ABI2: variants seen among roughly 807,000 people sequenced by gnomAD.
ABI2 encodes the protein abelson interactor 2.
Under a neutral mutation model 59.2 loss-of-function variants are expected in ABI2, and 25 were observed. That is an observed-to-expected ratio of 0.42 (90% CI 0.31 to 0.59). ABI2 has a LOEUF of 0.59. Among genes scored for constraint, ABI2 ranks in the 20% least tolerant of loss-of-function variants. ABI2 has a pLI of 0.14. For missense variants in ABI2, 545 were observed against 681.8 expected (o/e 0.80, Z 2.23); for synonymous variants, 213 against 235.5 (o/e 0.90, Z 0.87).
chr2:203,330,410 A>G (rs2152266950), intron 1 of ABI2, among the ~76,000 whole-genome samples: 1 of 151,760 alleles, frequency 6.6e-6, no homozygotes, highest in Non-Finnish European at 1.5e-5. Context: ...AAAAAAAAAA[A>G]AGATTCACTT....
At position 203,396,592 on chromosome 2, in the gene ABI2, A is replaced by T. The variant is rs563696408; in HGVS notation, c.851-193A>T. ...AATGAATTGAAAAAATCTGCACATT[A>T]CCCTGAGCATCTTGAATTATTTGCT... On this transcript the variant is annotated intron_variant, in intron 7 of 11. Coordinates refer to ENST00000261018, the MANE Select transcript of ABI2 (RefSeq NM_001375670.1). 1.8e-4 allele frequency among the ~76,000 whole-genome samples: 27 copies of T among 152,324 alleles called. No homozygotes were observed. The East Asian group carries it at 4.4e-3, about 25-fold the overall frequency.
At chr2:203,380,141 A>C in intron 2 of ABI2, 67 bp from the exon 3 acceptor site, 1 of 958,290 alleles carries the variant, frequency 1.0e-6, no homozygotes, top group East Asian at 2.7e-5. Context: ...CTAGGCATAT[A>C]TATTTTGATT....
intron 2 of ABI2, among the ~76,000 whole-genome samples, chr2:203,369,583 A>C (rs992586917): frequency 6.6e-6 from 1 of 152,198 alleles, no homozygotes; most frequent in Non-Finnish European, 1.5e-5. Flanking sequence ...AATGTGGTCA[A>C]TTAATGCTGT....
chr2:203,401,622 AAAAAT>A (rs1367619014), intron 8 of ABI2, among the ~76,000 whole-genome samples: 1 of 152,204 alleles, frequency 6.6e-6, no homozygotes, highest in Non-Finnish European at 1.5e-5. Context: ...GGATGATATT[AAAAAT>A]AAGATATATT....
intron 1 of ABI2, among the ~76,000 whole-genome samples, chr2:203,351,901 A>G (rs1013783822): frequency 1.3e-5 from 2 of 152,202 alleles, no homozygotes; most frequent in East Asian, 3.8e-4. Flanking sequence ...AATGATGGAC[A>G]GCATATATGA....
intron 1 of ABI2, among the ~76,000 whole-genome samples, chr2:203,331,539 A>G (rs1041376399): frequency 1.3e-5 from 2 of 151,200 alleles, no homozygotes; most frequent in Non-Finnish European, 2.9e-5. Flanking sequence ...TTGTATTTTT[A>G]GTAGAGACGG....
chr2:203,422,426 T>C (rs200768274), intron 11 of ABI2, among the ~76,000 whole-genome samples: 1 of 152,180 alleles, frequency 6.6e-6, no homozygotes, highest in East Asian at 1.9e-4. Context: ...ACTATGATGA[T>C]GGAGAGAAGT....
intron 9 of ABI2, among the ~76,000 whole-genome samples, chr2:203,408,993 C>T (rs886803972): frequency 2.3e-4 from 34 of 149,912 alleles, no homozygotes; most frequent in Admixed American, 1.4e-3. Flanking sequence ...CGCCCGCCAC[C>T]GCGCCCGGCT....
intron 1 of ABI2, among the ~76,000 whole-genome samples, chr2:203,350,864 G>T (rs200393851): frequency 1.2e-4 from 6 of 49,414 alleles, no homozygotes; most frequent in African/African-American, 2.2e-4. Context: ...TGTGTGTTTT[G>T]TGTGTGTGTG....
intron 4 of ABI2, among the ~76,000 whole-genome samples, chr2:203,384,795 T>C (rs946672527): frequency 1.3e-5 from 2 of 152,122 alleles, no homozygotes; most frequent in African/African-American, 4.8e-5. Context: ...TAATGTATTA[T>C]TTCAGTTGAA....
chr2:203,407,742 A>G (rs2097490528), intron 9 of ABI2, among the ~76,000 whole-genome samples: 2 of 152,168 alleles, frequency 1.3e-5, no homozygotes, highest in Admixed American at 6.5e-5. Flanking sequence ...ATGAGGAATC[A>G]TTTTAGCTAA....
chr2:203,360,099 C>T (rs1040568521), intron 1 of ABI2, among the ~76,000 whole-genome samples: 3 of 147,524 alleles, frequency 2.0e-5, no homozygotes, highest in African/African-American at 5.0e-5. Flanking sequence ...GCAGGAGAAT[C>T]GCCTGAACCT....
chr2:203,366,005 A>T (rs1032627849), intron 1 of ABI2, among the ~76,000 whole-genome samples: 1 of 151,790 alleles, frequency 6.6e-6, no homozygotes, highest in Non-Finnish European at 1.5e-5. Flanking sequence ...AAATTTTTTT[A>T]CTTTTTGTGT....
At chr2:203,395,484 C>CACACACAT (rs1179738856) in intron 6 of ABI2, among the ~76,000 whole-genome samples, 172 bp from the exon 7 acceptor site, 4 of 148,108 alleles carry the variant, frequency 2.7e-5, no homozygotes, top group Non-Finnish European at 4.5e-5. Flanking sequence ...CACACACACA[C>CACACACAT]ATTTTTTTTT....
chr2:203,352,251 G>A (rs1200359081), intron 1 of ABI2, among the ~76,000 whole-genome samples: 3 of 152,154 alleles, frequency 2.0e-5, no homozygotes, highest in African/African-American at 7.2e-5. Context: ...CTTGAGTTCA[G>A]AAGTTCAAGG....
intron 1 of ABI2, chr2:203,342,075 T>C (rs1352794012): frequency 1.4e-5 from 5 of 359,900 alleles, no homozygotes; most frequent in Non-Finnish European, 2.2e-5. Flanking sequence ...GTTCATTTTT[T>C]TTTTGCCTGT....
chr2:203,340,624 C>A (rs2079295015), intron 1 of ABI2, among the ~76,000 whole-genome samples: 1 of 152,104 alleles, frequency 6.6e-6, no homozygotes, highest in African/African-American at 2.4e-5. Flanking sequence ...TCCCAAAGTG[C>A]TGGGATTACA....
chr2:203,385,139 C>CTTT lies in ABI2; in HGVS notation c.480+2944_480+2946dup, dbSNP rs10527327. On this transcript the variant is annotated intron_variant, in intron 4 of 11. Coordinates refer to ENST00000261018, the MANE Select transcript of ABI2 (RefSeq NM_001375670.1). ...TGAGCCACCGCACCCGGCTCAGATT[C>CTTT]TTTTTTTTTTTTTGAGACAGTCTTG... Among the ~76,000 whole-genome samples, 9 of 69,970 alleles carry CTTT rather than the reference C, an allele frequency of 1.3e-4. 2 individuals are homozygous for CTTT. Among genetic ancestry groups the CTTT allele is most frequent in the East Asian group, 4.2e-4 (1 of 2,388 alleles). The allele number at this position is 69,970 out of a possible 152,430, so 45.9% of individuals were successfully genotyped here. A position where few individuals can be genotyped will look rare whatever the true frequency, so the allele number is the denominator to read the frequency against.
At chr2:203,391,224 T>C in intron 5 of ABI2, 81 bp downstream of exon 5, 2 of 993,558 alleles carry the variant, frequency 2.0e-6, no homozygotes, top group Non-Finnish European at 2.8e-6. Flanking sequence ...AATTATTTTT[T>C]GAATATTTGA....
Sources: gnomAD v4.1 joint callset for allele counts (sites outside exome capture counted in the v4.1 genomes callset) on GRCh38, gnomAD v4.1.1 for gene constraint, MANE v1.5 for transcripts, NCBI Gene and HGNC (gene_info 2026-07-23, HGNC 2026-07-21) for gene names.